Variants in CNTN5 observed in about 807,000 individuals in gnomAD.
CNTN5 encodes contactin-5.
In CNTN5, 77 loss-of-function variants were observed where a neutral mutation model predicts 129.1. The observed-to-expected ratio is 0.60, with a 90% CI of 0.50 to 0.72. The LOEUF (loss-of-function observed/expected upper bound fraction) is 0.72, where lower values mean the gene tolerates loss of function less well. Among genes scored for constraint, CNTN5 ranks in the 30% least tolerant of loss-of-function variants. CNTN5 has a pLI of 0.00. For missense variants in CNTN5, 1,478 were observed against 1,328.8 expected, an observed-to-expected ratio of 1.11 and a Z score of -1.75; for synonymous variants, 509 against 465.6, an observed-to-expected ratio of 1.09 and a Z score of -1.20.
At chr11:99,029,492 T>C (rs960733855) in intron 1 of CNTN5, among the ~76,000 whole-genome samples, 2 of 152,156 alleles carry the variant, frequency 1.3e-5, no homozygotes, top group Admixed American at 1.3e-4. Flanking sequence ...AAAAAATACC[T>C]GTAAAAGACT....
chr11:99,996,677 A>G (rs11222264), intron 8 of CNTN5, among the ~76,000 whole-genome samples: 10,695 of 152,254 alleles, frequency 0.07, 778 homozygotes, highest in East Asian at 0.31. Context: ...AGACTGGGTA[A>G]CTTATAAAGA....
chr11:100,011,602 G>A (rs1940536584), intron 9 of CNTN5, among the ~76,000 whole-genome samples: 1 of 152,078 alleles, frequency 6.6e-6, no homozygotes, highest in Non-Finnish European at 1.5e-5. Flanking sequence ...TGAGGTGGGA[G>A]GGAAGAACAC....
chr11:99,353,694 C>T (rs1158380577), intron 2 of CNTN5, among the ~76,000 whole-genome samples: 2 of 152,178 alleles, frequency 1.3e-5, no homozygotes, highest in African/African-American at 2.4e-5. Flanking sequence ...GCCAGGACTA[C>T]CAAGACATTT....
intron 13 of CNTN5, among the ~76,000 whole-genome samples, chr11:100,142,914 C>A (rs2138264659): frequency 6.6e-6 from 1 of 152,206 alleles, no homozygotes; most frequent in African/African-American, 2.4e-5. Flanking sequence ...CCTTTGCTTT[C>A]TGGTGGTTGA....
intron 1 of CNTN5, among the ~76,000 whole-genome samples, chr11:99,291,685 GA>G (rs1169379986): frequency 6.6e-6 from 1 of 151,912 alleles, no homozygotes; most frequent in African/African-American, 2.4e-5. Context: ...TAGTTAATAA[GA>G]AAAAGAATTT....
chr11:99,411,714 T>G (rs1396005285), intron 2 of CNTN5, among the ~76,000 whole-genome samples: 1 of 152,142 alleles, frequency 6.6e-6, no homozygotes, highest in African/African-American at 2.4e-5. Flanking sequence ...TAGAATAGCA[T>G]TTGCCCTTGC....
At chr11:99,671,115 GCTCT>G (rs1187462385) in intron 3 of CNTN5, among the ~76,000 whole-genome samples, 2 of 148,570 alleles carry the variant, frequency 1.3e-5, no homozygotes, top group East Asian at 4.1e-4. Context: ...GCTCGCTCTT[GCTCT>G]CTCTCTCTTG....
chr11:99,615,627 G>A (rs906794010), intron 3 of CNTN5, among the ~76,000 whole-genome samples: 7 of 152,222 alleles, frequency 4.6e-5, no homozygotes, highest in African/African-American at 1.7e-4. Context: ...GTACAGAGAA[G>A]TCCTATGTAC....
At chr11:100,128,007 C>A (rs1323066087) in intron 13 of CNTN5, among the ~76,000 whole-genome samples, 1 of 151,656 alleles carries the variant, frequency 6.6e-6, no homozygotes, top group Admixed American at 6.6e-5. Context: ...TACTCTGAGT[C>A]CTACACTGTC....
chr11:99,798,716 C>G (rs147674944), intron 3 of CNTN5, among the ~76,000 whole-genome samples: 178 of 152,040 alleles, frequency 1.2e-3, no homozygotes, highest in African/African-American at 3.8e-3. Context: ...CAGTTTTGTT[C>G]TTTTTGCTTG....
intron 2 of CNTN5, among the ~76,000 whole-genome samples, chr11:99,364,813 T>C (rs1939343010): frequency 6.6e-6 from 1 of 152,088 alleles, no homozygotes; most frequent in African/African-American, 2.4e-5. Flanking sequence ...AAGTGAGCCA[T>C]GTAGAAGGTG....
At chr11:99,115,439 A>T (rs1030844386) in intron 1 of CNTN5, among the ~76,000 whole-genome samples, 8 of 152,256 alleles carry the variant, frequency 5.3e-5, no homozygotes, top group African/African-American at 1.9e-4. Flanking sequence ...CAGTGTTGAC[A>T]TCAAGGGGCA....
At chr11:99,553,709 G>A (rs1259767905) in intron 2 of CNTN5, among the ~76,000 whole-genome samples, 1 of 151,562 alleles carries the variant, frequency 6.6e-6, no homozygotes, top group Non-Finnish European at 1.5e-5. Context: ...ACATATCAAA[G>A]CATTATGTTG....
intron 6 of CNTN5, among the ~76,000 whole-genome samples, chr11:99,914,509 T>C (rs974534861): frequency 2.0e-5 from 3 of 152,116 alleles, no homozygotes; most frequent in African/African-American, 7.2e-5. Context: ...TATTTGGTAA[T>C]AGAAATCAGA....
chr11:99,744,487 C>T (rs1208162169), intron 3 of CNTN5, among the ~76,000 whole-genome samples: 2 of 139,528 alleles, frequency 1.4e-5, no homozygotes, highest in African/African-American at 5.4e-5. Context: ...ATCACTTGAG[C>T]CCAGGAGTTA....
At chr11:99,734,824 C>T (rs954204263) in intron 3 of CNTN5, among the ~76,000 whole-genome samples, 1 of 151,950 alleles carries the variant, frequency 6.6e-6, no homozygotes, top group Non-Finnish European at 1.5e-5. Context: ...TTGGGTAACC[C>T]CGTGAAACCC....
At chr11:99,048,553 G>A (rs999424423) in intron 1 of CNTN5, among the ~76,000 whole-genome samples, 5 of 152,072 alleles carry the variant, frequency 3.3e-5, no homozygotes, top group African/African-American at 1.2e-4. Context: ...ATTGGCTAGG[G>A]AATTGATACA....
chr11:99,037,388 G>A (rs772788525), intron 1 of CNTN5, among the ~76,000 whole-genome samples: 1 of 151,958 alleles, frequency 6.6e-6, no homozygotes, highest in Non-Finnish European at 1.5e-5. Context: ...TTCCATTAAG[G>A]AGTTCTATAA....
chr11:99,621,590 ATAATC>A (rs1349795046), intron 3 of CNTN5, among the ~76,000 whole-genome samples: 2 of 152,188 alleles, frequency 1.3e-5, no homozygotes, highest in Non-Finnish European at 2.9e-5. Context: ...GTACTGCTCT[ATAATC>A]TATCACGAGG....
Sources: gnomAD v4.1 joint callset for allele counts (sites outside exome capture counted in the v4.1 genomes callset) on GRCh38, gnomAD v4.1.1 for gene constraint, MANE v1.5 for transcripts, NCBI Gene and HGNC (gene_info 2026-07-23, HGNC 2026-07-21) for gene names.